The following RIMS2 variants were observed in gnomAD, a reference collection of about 807,000 sequenced individuals.
RIMS2 encodes the protein regulating synaptic membrane exocytosis 2, also known as regulating synaptic membrane exocytosis protein 2.
A neutral mutation model predicts 174.4 loss-of-function variants in RIMS2; 59 were observed. The ratio of observed to expected loss-of-function variants is 0.34; its 90% CI spans 0.27 to 0.42. The LOEUF (loss-of-function observed/expected upper bound fraction) is 0.42. RIMS2 is among the 10% of genes least tolerant of loss of function. RIMS2 has a pLI of 1.00. For synonymous variants in RIMS2, 606 were observed against 572.5 expected, an observed-to-expected ratio of 1.06 and a Z score of -0.84; for missense variants, 1,620 against 1,666.3, an observed-to-expected ratio of 0.97 and a Z score of 0.48.
intron 3 of RIMS2, among the ~76,000 whole-genome samples, chr8:103,831,696 A>AT (rs1432330071): frequency 6.6e-6 from 1 of 152,016 alleles, no homozygotes; most frequent in African/African-American, 2.4e-5. Flanking sequence ...ATTAATTGCC[A>AT]TTTTTTTCTT....
At chr8:104,066,836 A>G (rs1053300928) in intron 19 of RIMS2, among the ~76,000 whole-genome samples, 11 of 152,114 alleles carry the variant, frequency 7.2e-5, no homozygotes, top group African/African-American at 2.7e-4. Flanking sequence ...TCTGGTATTT[A>G]GAGGTAATAT....
At chr8:104,156,513 A>G (rs2098725286) in intron 19 of RIMS2, among the ~76,000 whole-genome samples, 1 of 152,212 alleles carries the variant, frequency 6.6e-6, no homozygotes, top group Non-Finnish European at 1.5e-5. Flanking sequence ...ATTATAAGGC[A>G]CTTTACTTCA....
At chr8:103,789,155 A>T (rs2098472769) in intron 3 of RIMS2, among the ~76,000 whole-genome samples, 1 of 151,748 alleles carries the variant, frequency 6.6e-6, no homozygotes, top group Non-Finnish European at 1.5e-5. Flanking sequence ...GCACCCACTG[A>T]CCTGCGCCCA....
At chr8:104,246,531 T>C (rs1253842387) in intron 20 of RIMS2, among the ~76,000 whole-genome samples, 2 of 151,892 alleles carry the variant, frequency 1.3e-5, no homozygotes, top group African/African-American at 4.8e-5. Flanking sequence ...ATAAGAAAAA[T>C]TGTTAAAATG....
At chr8:103,682,786 T>C (rs746291212) in intron 1 of RIMS2, among the ~76,000 whole-genome samples, 1 of 152,198 alleles carries the variant, frequency 6.6e-6, no homozygotes, top group Non-Finnish European at 1.5e-5. Context: ...TACCTCAAAT[T>C]ACTGTCTTAT....
chr8:103,872,625 C>G (rs1450919124), intron 3 of RIMS2, among the ~76,000 whole-genome samples: 1 of 152,176 alleles, frequency 6.6e-6, no homozygotes, highest in African/African-American at 2.4e-5. Flanking sequence ...GTGTGGCTCT[C>G]AAACTCAAGA....
At chr8:103,944,992 A>G (rs2083384270) in intron 14 of RIMS2, among the ~76,000 whole-genome samples, 1 of 152,110 alleles carries the variant, frequency 6.6e-6, no homozygotes, top group African/African-American at 2.4e-5. Context: ...ATGAATAAAT[A>G]AATCTACTAA....
chr8:103,732,550 A>G (rs894711429), intron 2 of RIMS2, among the ~76,000 whole-genome samples: 1 of 152,042 alleles, frequency 6.6e-6, no homozygotes, highest in African/African-American at 2.4e-5. Flanking sequence ...GTTTCCCTCA[A>G]TCCTGGGTGG....
At chr8:103,874,156 G>A (rs886754522) in intron 3 of RIMS2, among the ~76,000 whole-genome samples, 1 of 151,960 alleles carries the variant, frequency 6.6e-6, no homozygotes, top group African/African-American at 2.4e-5. Flanking sequence ...CCCTTAAATT[G>A]TCTTCTAGTG....
At chr8:103,538,134 G>A (rs1414268254) in intron 1 of RIMS2, among the ~76,000 whole-genome samples, 2 of 151,852 alleles carry the variant, frequency 1.3e-5, no homozygotes, top group African/African-American at 4.8e-5. Context: ...TACATATATG[G>A]CATAGTTAGG....
At chr8:103,580,097 C>T (rs190136912) in intron 1 of RIMS2, among the ~76,000 whole-genome samples, 1 of 152,042 alleles carries the variant, frequency 6.6e-6, no homozygotes, top group African/African-American at 2.4e-5. Context: ...AAAACCGTAT[C>T]AACCACTAAA....
intron 19 of RIMS2, among the ~76,000 whole-genome samples, chr8:104,073,117 T>G (rs951959012): frequency 2.0e-5 from 3 of 152,174 alleles, no homozygotes; most frequent in Non-Finnish European, 4.4e-5. Context: ...TGTGATTTAT[T>G]AAGTTTAACA....
At chr8:103,537,686 C>G (rs1235647908) in intron 1 of RIMS2, among the ~76,000 whole-genome samples, 1 of 152,026 alleles carries the variant, frequency 6.6e-6, no homozygotes, top group Non-Finnish European at 1.5e-5. Flanking sequence ...ACCAAGTGAT[C>G]AGTGAAGGGA....
chr8:103,766,322 A>G (rs1252354395), exon 3 of RIMS2: 1 of 1,613,190 alleles, frequency 6.2e-7, no homozygotes, highest in East Asian at 2.2e-5. Context: ...CACCACAGCA[A>G]CCTGATCAAA....
chr8:103,892,587 T>C (rs1302765571), intron 4 of RIMS2, among the ~76,000 whole-genome samples: 1 of 152,130 alleles, frequency 6.6e-6, no homozygotes, highest in Admixed American at 6.6e-5. Flanking sequence ...TCACTCCACC[T>C]ATCGGTAAAA....
chr8:104,221,252 G>A (rs573250153), intron 19 of RIMS2, among the ~76,000 whole-genome samples: 5 of 151,938 alleles, frequency 3.3e-5, no homozygotes, highest in Non-Finnish European at 7.4e-5. Context: ...CAATACATAC[G>A]TGCGCACACA....
At chr8:103,535,314 CAT>C (rs1363133485) in intron 1 of RIMS2, among the ~76,000 whole-genome samples, 1 of 152,186 alleles carries the variant, frequency 6.6e-6, no homozygotes, top group Non-Finnish European at 1.5e-5. Context: ...ATTATTTCTA[CAT>C]AGTTTGGCAA....
At chr8:103,575,529 T>C (rs1164486724) in intron 1 of RIMS2, among the ~76,000 whole-genome samples, 3 of 151,866 alleles carry the variant, frequency 2.0e-5, no homozygotes. Context: ...TAGTTTCCCA[T>C]TGCTGCTATA....
chr8:103,956,905 G>GA (rs1271627684), intron 14 of RIMS2, among the ~76,000 whole-genome samples: 3 of 151,772 alleles, frequency 2.0e-5, no homozygotes, highest in African/African-American at 7.3e-5. Context: ...AGATTTACAA[G>GA]AAAAAAACAA....
Sources: gnomAD v4.1 joint callset for allele counts (sites outside exome capture counted in the v4.1 genomes callset) on GRCh38, gnomAD v4.1.1 for gene constraint, MANE v1.5 for transcripts, NCBI Gene and HGNC (gene_info 2026-07-23, HGNC 2026-07-21) for gene names.